ZNF124: variants seen among roughly 807,000 people sequenced by gnomAD.
ZNF124 encodes the protein zinc finger protein 124.
ZNF124 carries 25 observed loss-of-function variants against 26.6 expected under a neutral mutation model. The ratio of observed to expected loss-of-function variants is 0.94; its 90% CI spans 0.68 to 1.31. ZNF124 has a LOEUF of 1.31. Among genes scored for constraint, ZNF124 ranks in the 40% most tolerant of loss-of-function variants. The probability of loss-of-function intolerance (pLI) is 0.00; values close to 1 mark genes in which losing one functional copy is unlikely to be tolerated. For synonymous variants in ZNF124, 129 were observed against 133.3 expected (o/e 0.97, Z 0.22); for missense variants, 444 against 422.2 (o/e 1.05, Z -0.45).
At chr1:247,153,504 T>C (rs925897550), downstream of ZNF124, among the ~76,000 whole-genome samples, 3 of 152,350 alleles carry the variant, frequency 2.0e-5, no homozygotes, top group East Asian at 3.9e-4. Context: ...TCATCTGCTA[T>C]TAGATTTCTG....
intron 1 of ZNF124, among the ~76,000 whole-genome samples, chr1:247,166,472 A>C (rs558407775): frequency 6.6e-6 from 1 of 152,336 alleles, no homozygotes; most frequent in Admixed American, 6.5e-5. Flanking sequence ...TGTCCAGTCT[A>C]CTGTTGATGG....
chr1:247,159,978 T>A, intron 1 of ZNF124, 165 bp from the exon 2 acceptor site: 1 of 366,342 alleles, frequency 2.7e-6, no homozygotes, highest in Non-Finnish European at 4.2e-6. Context: ...ACATAGCAGT[T>A]CTTTTTTTTT....
At chr1:247,166,325 A>G (rs915610044) in intron 1 of ZNF124, among the ~76,000 whole-genome samples, 1 of 152,260 alleles carries the variant, frequency 6.6e-6, no homozygotes, top group Non-Finnish European at 1.5e-5. Context: ...AAATTAAAAC[A>G]GAACTCCCAT....
chr1:247,130,378 G>A (rs1384989606), intron 3 of ZNF124, among the ~76,000 whole-genome samples: 1 of 152,120 alleles, frequency 6.6e-6, no homozygotes, highest in East Asian at 1.9e-4. Context: ...GAAAAATAGG[G>A]ACACTGTCTT....
intron 1 of ZNF124, among the ~76,000 whole-genome samples, chr1:247,161,400 T>G (rs1673470473): frequency 6.6e-6 from 1 of 152,166 alleles, no homozygotes; most frequent in African/African-American, 2.4e-5. Flanking sequence ...TTGACCTCTA[T>G]TAGTTGGACA....
downstream of ZNF124, among the ~76,000 whole-genome samples, chr1:247,152,144 T>C (rs79130571): frequency 0.029 from 4,359 of 150,560 alleles, 221 homozygotes; most frequent in African/African-American, 0.1. Context: ...GACATGTGCA[T>C]GTATCTTTAA....
chr1:247,167,363 C>G (rs986221302), intron 1 of ZNF124, among the ~76,000 whole-genome samples: 5 of 152,140 alleles, frequency 3.3e-5, no homozygotes, highest in Admixed American at 6.6e-5. Flanking sequence ...CACAGACTTA[C>G]CCACTCTAAC....
intron 3 of ZNF124, among the ~76,000 whole-genome samples, chr1:247,145,943 C>T (rs1038078135): frequency 2.6e-5 from 4 of 152,232 alleles, no homozygotes; most frequent in African/African-American, 9.6e-5. Context: ...AATTGAGTGA[C>T]TGGACACAGC....
At chr1:247,139,907 A>G (rs960326518) in intron 3 of ZNF124, among the ~76,000 whole-genome samples, 2 of 152,070 alleles carry the variant, frequency 1.3e-5, no homozygotes, top group Non-Finnish European at 2.9e-5. Context: ...CCTGCCCTGT[A>G]TAGCTGCCTT....
exon 4 of ZNF124, chr1:247,123,505 G>C (rs1332969365): frequency 5.2e-6 from 1 of 191,520 alleles, no homozygotes; most frequent in East Asian, 1.2e-4. Flanking sequence ...TACGTGAGCC[G>C]TTTTTTGTTA....
intron 3 of ZNF124, among the ~76,000 whole-genome samples, chr1:247,143,607 GTTCT>G (rs1672684549): frequency 6.6e-6 from 1 of 152,168 alleles, no homozygotes; most frequent in Non-Finnish European, 1.5e-5. Context: ...GAAGTACAAT[GTTCT>G]AATTACTCCT....
At chr1:247,134,705 T>C (rs112693741) in intron 3 of ZNF124, among the ~76,000 whole-genome samples, 4,052 of 152,188 alleles carry the variant, frequency 0.027, 194 homozygotes, top group African/African-American at 0.093. Flanking sequence ...AGACAGAAAA[T>C]TAGCAAGGAT....
At chr1:247,154,978 A>G (rs1673048509), downstream of ZNF124, among the ~76,000 whole-genome samples, 1 of 152,242 alleles carries the variant, frequency 6.6e-6, no homozygotes, top group Non-Finnish European at 1.5e-5. Flanking sequence ...AATGAACAGC[A>G]GGAAACTTTC....
At chr1:247,166,468 G>T (rs923592527) in intron 1 of ZNF124, among the ~76,000 whole-genome samples, 23 of 152,280 alleles carry the variant, frequency 1.5e-4, no homozygotes, top group African/African-American at 5.3e-4. Context: ...TCTTTGTCCA[G>T]TCTACTGTTG....
chr1:247,131,791 C>A (rs1672374837), intron 3 of ZNF124, among the ~76,000 whole-genome samples: 1 of 152,274 alleles, frequency 6.6e-6, no homozygotes, highest in Non-Finnish European at 1.5e-5. Flanking sequence ...TAGGCCTGAG[C>A]CCCTAGGGGG....
chr1:247,122,525 A>G (rs956175186), exon 4 of ZNF124: 16 of 152,242 alleles, frequency 1.1e-4, no homozygotes, highest in Non-Finnish European at 7.3e-5. Context: ...AATGTGGTAC[A>G]TTTCTTTACC....
intron 3 of ZNF124, among the ~76,000 whole-genome samples, chr1:247,125,026 C>T (rs1672173683): frequency 6.6e-6 from 1 of 151,788 alleles, no homozygotes; most frequent in South Asian, 2.1e-4. Flanking sequence ...AGGCTGGCAA[C>T]TCCTGGGCTC....
chr1:247,139,908 T>C (rs1000274956), intron 3 of ZNF124, among the ~76,000 whole-genome samples: 3 of 152,204 alleles, frequency 2.0e-5, no homozygotes, highest in African/African-American at 7.2e-5. Context: ...CTGCCCTGTA[T>C]AGCTGCCTTT....
chr1:247,151,668 G>T (rs1455691199), downstream of ZNF124, among the ~76,000 whole-genome samples: 6 of 152,126 alleles, frequency 3.9e-5, no homozygotes, highest in Admixed American at 3.9e-4. Context: ...GTTCCCAACA[G>T]AAATTTGTAC....
Sources: allele counts gnomAD v4.1 joint callset (sites outside exome capture counted in the v4.1 genomes callset), GRCh38; gene constraint gnomAD v4.1.1; transcripts MANE v1.5; gene names NCBI Gene and HGNC (gene_info 2026-07-23, HGNC 2026-07-21).